Variants in PALM2AKAP2 observed in about 807,000 individuals in gnomAD.
PALM2AKAP2 encodes PALM2-AKAP2 fusion protein.
In PALM2AKAP2, 37 loss-of-function variants were observed where a neutral mutation model predicts 71.5. The ratio of observed to expected loss-of-function variants is 0.52; its 90% CI spans 0.40 to 0.68. The LOEUF is 0.68. Ranked by LOEUF, PALM2AKAP2 falls within the 30% of genes least tolerant of loss-of-function variation. The pLI, the probability that PALM2AKAP2 is intolerant of heterozygous loss-of-function variation, is 0.00. For synonymous variants in PALM2AKAP2, 468 were observed against 478.8 expected, an observed-to-expected ratio of 0.98 and a Z score of 0.29; for missense variants, 1,224 against 1,191.8, an observed-to-expected ratio of 1.03 and a Z score of -0.40.
chr9:109,810,081 T>A (rs1159165190), intron 1 of PALM2AKAP2, among the ~76,000 whole-genome samples: 1 of 152,230 alleles, frequency 6.6e-6, no homozygotes, highest in Non-Finnish European at 1.5e-5. Flanking sequence ...ATCACATTGA[T>A]AATTAGGTTT....
chr9:109,834,241 T>A, intron 1 of PALM2AKAP2, among the ~76,000 whole-genome samples: 1 of 151,986 alleles, frequency 6.6e-6, no homozygotes, highest in East Asian at 1.9e-4. Flanking sequence ...CAGAAAAGAA[T>A]GTCATTTGAC....
At chr9:110,133,130 T>G (rs1835771949) in intron 1 of PALM2AKAP2, among the ~76,000 whole-genome samples, 1 of 152,222 alleles carries the variant, frequency 6.6e-6, no homozygotes, top group Admixed American at 6.5e-5. Context: ...CTGATACAAT[T>G]TTTGAATCCT....
intron 1 of PALM2AKAP2, among the ~76,000 whole-genome samples, chr9:109,805,509 A>G (rs1202816187): frequency 6.6e-6 from 1 of 152,224 alleles, no homozygotes; most frequent in Non-Finnish European, 1.5e-5. Context: ...ATTTACTACC[A>G]TCTCATTTGG....
intron 6 of PALM2AKAP2, among the ~76,000 whole-genome samples, chr9:109,996,506 G>C (rs1436661984): frequency 6.6e-6 from 1 of 152,140 alleles, no homozygotes; most frequent in Non-Finnish European, 1.5e-5. Context: ...GGGCCTCAAG[G>C]GTCCTGTAAA....
chr9:109,830,928 G>C (rs1239141493), intron 1 of PALM2AKAP2, among the ~76,000 whole-genome samples: 2 of 151,966 alleles, frequency 1.3e-5, no homozygotes, highest in Non-Finnish European at 2.9e-5. Flanking sequence ...ATTGGCAAAA[G>C]GTAAACCTTC....
intron 3 of PALM2AKAP2, among the ~76,000 whole-genome samples, chr9:109,909,833 T>G (rs10980113): frequency 0.98 from 148,893 of 152,312 alleles, 72,792 homozygotes; most frequent in East Asian, 1. Context: ...ATGAGCAAAG[T>G]CATTGAGCCA....
rs56938333 is a variant in PALM2AKAP2 at position 109,851,209 on chromosome 9, C to CA, written c.46-16269dup. On this transcript the variant is annotated intron_variant, in intron 1 of 9. Coordinates refer to the PALM2AKAP2 transcript ENST00000302798. ...ACAACAACAACAACAACAACAACAA[C>CA]AAAAAAAAAAAAACACTACCTGGTA... is the stretch of plus-strand genomic sequence containing the variant. 3.6e-4 allele frequency among the ~76,000 whole-genome samples: 52 copies of CA among 144,996 alleles called. 2 individuals carry two copies. The highest frequency in any genetic ancestry group is 7.0e-3 in the Middle Eastern group (2 of 284).
intron 1 of PALM2AKAP2, among the ~76,000 whole-genome samples, chr9:110,123,761 G>A (rs1176152686): frequency 3.3e-5 from 5 of 152,244 alleles, no homozygotes; most frequent in Non-Finnish European, 7.3e-5. Flanking sequence ...TCTTCCCATG[G>A]GTGTGGAGGG....
chr9:109,838,115 AC>A (rs1388464609), intron 1 of PALM2AKAP2, among the ~76,000 whole-genome samples: 1 of 152,198 alleles, frequency 6.6e-6, no homozygotes, highest in Non-Finnish European at 1.5e-5. Context: ...AAACTTGACC[AC>A]TTGGTTGGAA....
chr9:110,157,210 A>G (rs1044161796), intron 3 of PALM2AKAP2, among the ~76,000 whole-genome samples: 1 of 152,052 alleles, frequency 6.6e-6, no homozygotes, highest in African/African-American at 2.4e-5. Context: ...GTTCATGCCA[A>G]CCTCCTGTGG....
chr9:109,917,800 T>A (rs1261744159), intron 3 of PALM2AKAP2, among the ~76,000 whole-genome samples: 4 of 152,142 alleles, frequency 2.6e-5, no homozygotes, highest in Admixed American at 1.3e-4. Flanking sequence ...AGCCCTCCTT[T>A]CCCTTTTAGG....
chr9:109,654,383 G>A (rs759187274), intron 1 of PALM2AKAP2, among the ~76,000 whole-genome samples: 5 of 152,214 alleles, frequency 3.3e-5, no homozygotes, highest in Non-Finnish European at 7.3e-5. Flanking sequence ...ATTTATGTGA[G>A]ATGAGAATTA....
chr9:110,060,116 GTTTTTGTT>G (rs1207236388), intron 1 of PALM2AKAP2, among the ~76,000 whole-genome samples: 1 of 151,750 alleles, frequency 6.6e-6, no homozygotes, highest in African/African-American at 2.4e-5. Context: ...TTTTGTTTTT[GTTTTTGTT>G]TTTGTTTTAG....
chr9:109,844,341 T>C (rs183121069), intron 1 of PALM2AKAP2, among the ~76,000 whole-genome samples: 250 of 152,274 alleles, frequency 1.6e-3, no homozygotes, highest in African/African-American at 5.8e-3. Flanking sequence ...TGAGGGGATG[T>C]ACCATTGCAA....
chr9:109,841,216 G>A (rs555839680), intron 1 of PALM2AKAP2, among the ~76,000 whole-genome samples: 6 of 151,654 alleles, frequency 4.0e-5, no homozygotes, highest in Non-Finnish European at 7.4e-5. Flanking sequence ...GTCCTTTTTA[G>A]GGACATGGAT....
chr9:109,792,147 CAT>C (rs1827128725), intron 1 of PALM2AKAP2, among the ~76,000 whole-genome samples: 1 of 152,116 alleles, frequency 6.6e-6, no homozygotes, highest in African/African-American at 2.4e-5. Flanking sequence ...ATAAGAAAAC[CAT>C]AGTCTTGGGT....
chr9:109,700,799 C>T (rs909628634), intron 1 of PALM2AKAP2, among the ~76,000 whole-genome samples: 7 of 152,298 alleles, frequency 4.6e-5, no homozygotes, highest in African/African-American at 1.7e-4. Flanking sequence ...TCCAGGAAAG[C>T]AGATGTATTA....
exon 2 of PALM2AKAP2, chr9:110,137,919 T>C (rs914358): frequency 0.45 from 732,899 of 1,613,786 alleles, 168,537 homozygotes; most frequent in African/African-American, 0.57. Flanking sequence ...GACTCTCCGT[T>C]GGTTGATGAC....
intron 1 of PALM2AKAP2, among the ~76,000 whole-genome samples, chr9:109,802,142 A>G (rs757495224): frequency 5.9e-5 from 9 of 152,202 alleles, no homozygotes; most frequent in Non-Finnish European, 8.8e-5. Context: ...TTCTCTAAAA[A>G]TGCATAGCAA....
Sources: gnomAD v4.1 joint callset for allele counts (sites outside exome capture counted in the v4.1 genomes callset) on GRCh38, gnomAD v4.1.1 for gene constraint, MANE v1.5 for transcripts, NCBI Gene and HGNC (gene_info 2026-07-23, HGNC 2026-07-21) for gene names.